The following GRID2 variants were observed in gnomAD, a reference collection of about 807,000 sequenced individuals.
The protein encoded by GRID2 is glutamate ionotropic receptor delta type subunit 2.
GRID2 carries 33 observed loss-of-function variants against 114.8 expected under a neutral mutation model. The ratio of observed to expected loss-of-function variants is 0.29; its 90% CI spans 0.22 to 0.38. The LOEUF is 0.38. Ranked by LOEUF, GRID2 falls within the 10% of genes least tolerant of loss-of-function variation. The pLI is 1.00. For missense variants in GRID2, 1,184 were observed against 1,257.7 expected (o/e 0.94, Z 0.89); for synonymous variants, 505 against 449.9 (o/e 1.12, Z -1.55).
chr4:92,980,151 C>T (rs1163278560), intron 2 of GRID2, among the ~76,000 whole-genome samples: 2 of 151,922 alleles, frequency 1.3e-5, no homozygotes, highest in African/African-American at 2.4e-5. Flanking sequence ...ACTTCAAGAA[C>T]CCAATTTTTG....
intron 1 of GRID2, among the ~76,000 whole-genome samples, chr4:92,460,656 G>A (rs1721450822): frequency 6.6e-6 from 1 of 151,988 alleles, no homozygotes; most frequent in Non-Finnish European, 1.5e-5. Flanking sequence ...TAGAATTGTG[G>A]CATTAGGTTG....
chr4:92,449,629 CAA>C (rs1447563756), intron 1 of GRID2, among the ~76,000 whole-genome samples: 15 of 143,004 alleles, frequency 1.0e-4, no homozygotes, highest in Non-Finnish European at 1.1e-4. Context: ...TAATTATACT[CAA>C]GTTTTTACTT....
rs536344636 is a variant in GRID2 at position 93,285,279 on chromosome 4, A to T, written c.1245+46789A>T. On this transcript the variant is annotated intron_variant, in intron 8 of 15. Coordinates refer to ENST00000282020, the MANE Select transcript of GRID2 (RefSeq NM_001510.4). ...AAGACCAACTTTTTCATAGAACATT[A>T]GAATTCAAGTTTGAGAAACCCTATA... is the stretch of plus-strand genomic sequence containing the variant. 4.6e-5 allele frequency among the ~76,000 whole-genome samples: 7 copies of T among 152,244 alleles called. No homozygotes were observed. In the South Asian group the frequency reaches 6.2e-4, roughly 13 times the overall value.
chr4:92,349,846 T>G (rs1727975817), intron 1 of GRID2, among the ~76,000 whole-genome samples: 1 of 151,796 alleles, frequency 6.6e-6, no homozygotes, highest in African/African-American at 2.4e-5. Context: ...GTTTAAAAAT[T>G]TATTGTAAGC....
chr4:93,407,530 T>C (rs572478677), intron 9 of GRID2, among the ~76,000 whole-genome samples: 1 of 152,286 alleles, frequency 6.6e-6, no homozygotes, highest in Admixed American at 6.5e-5. Flanking sequence ...AGTATTATGT[T>C]AGCCTGGATA....
At chr4:93,578,298 T>G (rs1736612562) in intron 13 of GRID2, among the ~76,000 whole-genome samples, 1 of 152,084 alleles carries the variant, frequency 6.6e-6, no homozygotes, top group Non-Finnish European at 1.5e-5. Flanking sequence ...AATAGGTATT[T>G]TGAGAGATGG....
intron 2 of GRID2, among the ~76,000 whole-genome samples, chr4:92,684,328 AT>A (rs929559444): frequency 8.6e-5 from 13 of 151,232 alleles, no homozygotes; most frequent in Non-Finnish European, 1.5e-4. Flanking sequence ...GATTTCTTGG[AT>A]TTTTTTTTAC....
At chr4:93,140,689 G>C (rs188367000) in intron 4 of GRID2, among the ~76,000 whole-genome samples, 214 of 152,280 alleles carry the variant, frequency 1.4e-3, no homozygotes, top group African/African-American at 4.7e-3. Context: ...CCTTAACTTA[G>C]TGTTATAAAA....
At chr4:92,600,629 G>A (rs1418531099) in intron 2 of GRID2, among the ~76,000 whole-genome samples, 1 of 152,060 alleles carries the variant, frequency 6.6e-6, no homozygotes, top group Non-Finnish European at 1.5e-5. Flanking sequence ...TTAAAGTCAG[G>A]CCCCTCTTCT....
rs1755166231 is a variant in GRID2 at position 93,304,166 on chromosome 4, A to G, written c.1245+65676A>G. On this transcript the variant is annotated intron_variant, in intron 8 of 15. Transcript: ENST00000282020. ...GATCCACTTAGAAGAAAACCTGTGT[A>G]CTTAACTTTATTTTCGTAAAATCTG... 2.7e-5 allele frequency among the ~76,000 whole-genome samples: 4 copies of G among 150,614 alleles called. No individual in the cohort carries two copies. In the South Asian group the frequency reaches 6.2e-4, roughly 24 times the overall value.
At chr4:93,618,334 G>A (rs544752481) in intron 13 of GRID2, among the ~76,000 whole-genome samples, 4 of 152,106 alleles carry the variant, frequency 2.6e-5, no homozygotes, top group South Asian at 2.1e-4. Context: ...TTCCCTTTCC[G>A]ACTGTGGAAC....
chr4:93,534,640 A>C (rs1004395716), intron 13 of GRID2, among the ~76,000 whole-genome samples: 3 of 152,120 alleles, frequency 2.0e-5, no homozygotes, highest in Admixed American at 1.3e-4. Flanking sequence ...AATAACCCCC[A>C]AAAAATTAAA....
intron 14 of GRID2, among the ~76,000 whole-genome samples, chr4:93,728,896 G>C (rs1391134390): frequency 6.6e-6 from 1 of 151,968 alleles, no homozygotes; most frequent in East Asian, 1.9e-4. Flanking sequence ...ATGTGAGATG[G>C]GTTTGCTGAA....
intron 2 of GRID2, among the ~76,000 whole-genome samples, chr4:92,875,302 T>C (rs1460443909): frequency 6.6e-6 from 1 of 152,130 alleles, no homozygotes; most frequent in Non-Finnish European, 1.5e-5. Context: ...TAGTTGGTAT[T>C]ACAGGCACAC....
chr4:92,895,615 A>G (rs1256739358), intron 2 of GRID2, among the ~76,000 whole-genome samples: 1 of 151,890 alleles, frequency 6.6e-6, no homozygotes, highest in Non-Finnish European at 1.5e-5. Context: ...TCTGTGCTTA[A>G]AAAATATTAA....
intron 3 of GRID2, among the ~76,000 whole-genome samples, chr4:93,104,422 G>A (rs1731999950): frequency 6.6e-6 from 1 of 151,816 alleles, no homozygotes; most frequent in East Asian, 1.9e-4. Flanking sequence ...TCGTCATTTA[G>A]CATTAGGTAT....
At chr4:93,273,159 C>A (rs1458505113) in intron 8 of GRID2, among the ~76,000 whole-genome samples, 3 of 152,156 alleles carry the variant, frequency 2.0e-5, no homozygotes, top group Non-Finnish European at 2.9e-5. Context: ...AGACTCTATG[C>A]CTGCAGAAGG....
chr4:92,384,523 A>ATTAT (rs1174453630), intron 1 of GRID2, among the ~76,000 whole-genome samples: 1 of 31,444 alleles, frequency 3.2e-5, no homozygotes, highest in African/African-American at 1.4e-4. Context: ...AATATTATAT[A>ATTAT]ATATAATATA....
chr4:93,751,850 T>G (rs1732345475), intron 14 of GRID2, among the ~76,000 whole-genome samples: 1 of 152,176 alleles, frequency 6.6e-6, no homozygotes, highest in Non-Finnish European at 1.5e-5. Context: ...ATGCTGTCAT[T>G]CCTTGCCGCC....
Sources: allele counts gnomAD v4.1 joint callset (sites outside exome capture counted in the v4.1 genomes callset), GRCh38; gene constraint gnomAD v4.1.1; transcripts MANE v1.5; gene names NCBI Gene and HGNC (gene_info 2026-07-23, HGNC 2026-07-21).